Variants in POR observed in about 807,000 individuals in gnomAD.
The protein encoded by POR is NADPH--cytochrome P450 reductase.
A neutral mutation model predicts 84.0 loss-of-function variants in POR; 56 were observed. That is an observed-to-expected ratio of 0.67 (90% CI 0.54 to 0.83). The LOEUF (loss-of-function observed/expected upper bound fraction) is 0.83. POR is among the 40% of genes least tolerant of loss of function. The pLI is 0.00. For missense variants in POR, 938 were observed against 944.3 expected (o/e 0.99, Z 0.09); for synonymous variants, 414 against 400.5 (o/e 1.03, Z -0.40).
chr7:75,925,945 G>A (rs1309124767), intron 1 of POR, among the ~76,000 whole-genome samples: 5 of 152,020 alleles, frequency 3.3e-5, no homozygotes, highest in Non-Finnish European at 7.4e-5. Context: ...AGAGTGAGAG[G>A]CAGCCAGTCC....
At chr7:75,934,862 T>G (rs1554550606) in intron 1 of POR, among the ~76,000 whole-genome samples, 1 of 152,134 alleles carries the variant, frequency 6.6e-6, no homozygotes, top group East Asian at 1.9e-4. Flanking sequence ...GAGGGAGGCT[T>G]GGCAGCCTCC....
intron 2 of POR, among the ~76,000 whole-genome samples, chr7:75,971,831 C>A (rs1179906456): frequency 6.6e-6 from 1 of 151,932 alleles, no homozygotes; most frequent in Non-Finnish European, 1.5e-5. Context: ...GGCCACCATG[C>A]AGGGAGGGGG....
At chr7:75,941,997 T>C (rs1786941908) in intron 1 of POR, among the ~76,000 whole-genome samples, 1 of 152,038 alleles carries the variant, frequency 6.6e-6, no homozygotes, top group African/African-American at 2.4e-5. Context: ...GGTGGGAGGA[T>C]CGCTTGAGTC....
Position 75,986,159 on chromosome 7 carries a change from G to A in POR, c.1816G>A (p.Val606Ile), listed in dbSNP as rs1789443052. 2 of 1,609,786 alleles carry A rather than the reference G, an allele frequency of 1.2e-6. No homozygotes were observed. Among genetic ancestry groups the A allele is most frequent in the Admixed American group, 1.7e-5 (1 of 59,608 alleles). The change falls in exon 15 of 16, where the codon GTC becomes ATC. Residue 606 changes from valine to isoleucine, a missense_variant and splice_region_variant. By Grantham distance (29) the Val-to-Ile change is conservative. Coordinates refer to ENST00000461988, the MANE Select transcript of POR (RefSeq NM_000941.3). The stretch of plus-strand genomic sequence containing the variant: ...CTCACAGCACCACCCTTGGCCCCAG[G>A]TCTACGTCCAGCACCTGCTAAAGCA...
chr7:75,929,428 C>G (rs956804843), intron 1 of POR, among the ~76,000 whole-genome samples: 5 of 152,132 alleles, frequency 3.3e-5, no homozygotes, highest in Non-Finnish European at 7.3e-5. Flanking sequence ...CCATGCCCAG[C>G]TACTTTTTGT....
chr7:75,918,968 C>T (rs148392336), intron 1 of POR, among the ~76,000 whole-genome samples: 2 of 150,284 alleles, frequency 1.3e-5, no homozygotes, highest in East Asian at 3.9e-4. Flanking sequence ...TTTAAAAGGT[C>T]AGGGCTATGT....
At chr7:75,981,645 G>A (rs370164104) in intron 7 of POR, 39 bp downstream of exon 7, 158 of 1,572,806 alleles carry the variant, frequency 1.0e-4, no homozygotes, top group South Asian at 5.7e-4. Context: ...TGGCCTGGGC[G>A]GGTCCTGTGC....
intron 1 of POR, among the ~76,000 whole-genome samples, chr7:75,929,406 G>A (rs569172987): frequency 1.3e-5 from 2 of 152,244 alleles, no homozygotes; most frequent in Non-Finnish European, 2.9e-5. Context: ...TGGGATTACA[G>A]AGCATGCACC....
intron 5 of POR, 141 bp from the exon 6 acceptor site, chr7:75,980,907 C>T (rs367667517): frequency 4.0e-5 from 47 of 1,161,198 alleles, no homozygotes; most frequent in African/African-American, 2.3e-4. Context: ...CCTTGCAGTG[C>T]GAGGCGCCTG....
chr7:75,947,940 A>G (rs1787253676), intron 1 of POR, among the ~76,000 whole-genome samples: 1 of 152,034 alleles, frequency 6.6e-6, no homozygotes, highest in Non-Finnish European at 1.5e-5. Context: ...CCAGGGGCTC[A>G]TTTGTGGCCT....
rs1554558171 is a variant in POR at position 75,982,228 on chromosome 7, C to T, written c.736C>T (p.Arg246Cys). 1.2e-6 allele frequency: 2 copies of T among 1,609,490 alleles called. No individual in the cohort carries two copies. Among genetic ancestry groups the T allele is most frequent in the South Asian group, 1.1e-5 (1 of 90,070 alleles). Residue 246 changes from arginine (R) to cysteine (C), a missense_variant, in exon 8 of 16, where the codon CGC becomes TGC. Transcript: ENST00000461988. The stretch of plus-strand genomic sequence containing the variant: ...CCCTTGGTCTCCCCTTTCCAGCATT[C>T]GCCAGTACGAGCTTGTGGTCCACAC...
chr7:75,957,544 C>T (rs1354004885), intron 2 of POR, among the ~76,000 whole-genome samples: 2 of 54,706 alleles, frequency 3.7e-5, no homozygotes, highest in East Asian at 4.6e-4. Flanking sequence ...TGGGAGCCTG[C>T]GGAGCTTGCC....
chr7:75,952,875 C>G (rs1490525242), intron 1 of POR, among the ~76,000 whole-genome samples: 2 of 146,042 alleles, frequency 1.4e-5, no homozygotes, highest in South Asian at 4.4e-4. Context: ...ACATCCCAGA[C>G]GATGGGCAGC....
At chr7:75,973,430 C>T (rs1788529178) in intron 3 of POR, among the ~76,000 whole-genome samples, 1 of 152,040 alleles carries the variant, frequency 6.6e-6, no homozygotes, top group South Asian at 2.1e-4. Context: ...CCTCCTACCA[C>T]AGCCTCCCAA....
chr7:75,948,452 G>T (rs145123449), intron 1 of POR, among the ~76,000 whole-genome samples: 13 of 152,150 alleles, frequency 8.5e-5, no homozygotes, highest in Admixed American at 7.9e-4. Context: ...TTCGTTTTGC[G>T]TGTTAGTTTC....
At chr7:75,950,657 G>A (rs1787372724) in intron 1 of POR, among the ~76,000 whole-genome samples, 1 of 152,198 alleles carries the variant, frequency 6.6e-6, no homozygotes, top group Non-Finnish European at 1.5e-5. Context: ...TCATAAGCTT[G>A]ACAGAGATCC....
At position 75,986,633 on chromosome 7, in the gene POR, C is replaced by T. The variant is rs1554559597; in HGVS notation, c.*152C>T. 4 of 989,356 alleles carry T rather than the reference C, an allele frequency of 4.0e-6. No homozygotes were observed. The African/African-American group carries it at 4.9e-5, about 12-fold the overall frequency. 61.3% of individuals were successfully genotyped at this position (989,356 alleles called of 1,614,324 possible). A position where few individuals can be genotyped will look rare whatever the true frequency, so the allele number is the denominator to read the frequency against. On this transcript the variant is annotated 3_prime_UTR_variant, in exon 16 of 16. Coordinates refer to ENST00000461988, the MANE Select transcript of POR (RefSeq NM_000941.3). ...CTCTGGGCCTGGGGTGCATCCTCCT[C>T]AGCCCCCAGGCCAGGTGAGGTCCAC...
rs570912632 is a variant in POR at position 75,984,478 on chromosome 7, G to T, written c.1067-299G>T. On this transcript the variant is annotated intron_variant, in intron 10 of 15. Coordinates refer to ENST00000461988, the MANE Select transcript of POR (RefSeq NM_000941.3). ...GCCCGCCTGTAGGGAAGCCTGGGCG[G>T]GGCTGTGTCAGACCGTGTAGTGTGC... 1.6e-4 allele frequency among the ~76,000 whole-genome samples: 25 copies of T among 152,304 alleles called. No homozygotes were observed. The South Asian group carries it at 5.2e-3, about 32-fold the overall frequency.
intron 1 of POR, among the ~76,000 whole-genome samples, chr7:75,918,163 C>T (rs1397738401): frequency 2.6e-5 from 4 of 152,080 alleles, no homozygotes; most frequent in Non-Finnish European, 2.9e-5. Context: ...AAAAATTAGC[C>T]GGTGTGGTGG....
Sources: allele counts gnomAD v4.1 joint callset (sites outside exome capture counted in the v4.1 genomes callset), GRCh38; gene constraint gnomAD v4.1.1; transcripts MANE v1.5; gene names NCBI Gene and HGNC (gene_info 2026-07-23, HGNC 2026-07-21).